The following PRUNE1 variants were observed in gnomAD, a reference collection of about 807,000 sequenced individuals.
The protein encoded by PRUNE1 is exopolyphosphatase PRUNE1.
Under a neutral mutation model 42.5 loss-of-function variants are expected in PRUNE1, and 25 were observed. The observed-to-expected ratio is 0.59, with a 90% CI of 0.43 to 0.82. The LOEUF (loss-of-function observed/expected upper bound fraction) is 0.82. Ranked by LOEUF, PRUNE1 falls within the 40% of genes least tolerant of loss-of-function variation. The pLI, the probability that PRUNE1 is intolerant of heterozygous loss-of-function variation, is 0.00. For synonymous variants in PRUNE1, 203 were observed against 217.1 expected (o/e 0.93, Z 0.57); for missense variants, 443 against 539.3 (o/e 0.82, Z 1.77).
At chr1:151,025,894 C>T (rs1168347733) in intron 5 of PRUNE1, among the ~76,000 whole-genome samples, 1 of 151,870 alleles carries the variant, frequency 6.6e-6, no homozygotes, top group African/African-American at 2.4e-5. Context: ...GCGCCCACCA[C>T]CACGCCCAGC....
chr1:151,008,888 G>A (rs1346099813), intron 1 of PRUNE1: 1 of 699,736 alleles, frequency 1.4e-6, no homozygotes, highest in Admixed American at 2.0e-5. Flanking sequence ...CCCGGTTTTT[G>A]GCTCCCCGCC....
chr1:151,033,656 C>T (rs1302346349), intron 7 of PRUNE1, 150 bp from the exon 8 acceptor site: 2 of 689,420 alleles, frequency 2.9e-6, no homozygotes, highest in Non-Finnish European at 4.8e-6. Flanking sequence ...TCCCAAAGTG[C>T]TGGGATTGCA....
At chr1:151,032,124 A>G (rs1675276472) in intron 7 of PRUNE1, among the ~76,000 whole-genome samples, 1 of 152,028 alleles carries the variant, frequency 6.6e-6, no homozygotes, top group African/African-American at 2.4e-5. Context: ...AGGTGCCTGT[A>G]ATCCCAGCTA....
intron 1 of PRUNE1, among the ~76,000 whole-genome samples, chr1:151,017,166 T>C (rs1215305428): frequency 6.6e-6 from 1 of 151,966 alleles, no homozygotes; most frequent in Non-Finnish European, 1.5e-5. Context: ...CAACCAGGGT[T>C]GATATGCCCA....
At chr1:151,022,223 C>G (rs1674499488) in intron 3 of PRUNE1, among the ~76,000 whole-genome samples, 1 of 150,342 alleles carries the variant, frequency 6.7e-6, no homozygotes, top group South Asian at 2.1e-4. Flanking sequence ...ATTCTCCTGC[C>G]TCAACCTCCC....
chr1:151,025,476 G>A, intron 4 of PRUNE1, 39 bp from the exon 5 acceptor site: 3 of 1,597,342 alleles, frequency 1.9e-6, no homozygotes, highest in Admixed American at 3.4e-5. Flanking sequence ...TGTGTGAAGG[G>A]TCACAGGATT....
chr1:151,015,001 G>T (rs1344761793), intron 1 of PRUNE1, among the ~76,000 whole-genome samples: 1 of 152,010 alleles, frequency 6.6e-6, no homozygotes, highest in Admixed American at 6.6e-5. Flanking sequence ...AGATCAGCAT[G>T]GGCAACATGG....
intron 4 of PRUNE1, among the ~76,000 whole-genome samples, 159 bp downstream of exon 4, chr1:151,024,954 G>A (rs1391013970): frequency 6.6e-6 from 1 of 152,162 alleles, no homozygotes; most frequent in Non-Finnish European, 1.5e-5. Flanking sequence ...TTGAGCATGT[G>A]TTTAAAGGCC....
chr1:151,014,233 C>T (rs587765171), intron 1 of PRUNE1, among the ~76,000 whole-genome samples: 2 of 152,308 alleles, frequency 1.3e-5, no homozygotes, highest in African/African-American at 4.8e-5. Context: ...TCCGCCTCGG[C>T]CTCCCAAAGT....
At chr1:151,016,249 T>G (rs1674097872) in intron 1 of PRUNE1, among the ~76,000 whole-genome samples, 2 of 151,594 alleles carry the variant, frequency 1.3e-5, no homozygotes, top group African/African-American at 4.8e-5. Flanking sequence ...AAAAAAAAAG[T>G]AAGCAGGTAA....
At chr1:151,028,596 G>A (rs948648612) in intron 6 of PRUNE1, among the ~76,000 whole-genome samples, 190 bp from the exon 7 acceptor site, 1 of 151,994 alleles carries the variant, frequency 6.6e-6, no homozygotes, top group African/African-American at 2.4e-5. Context: ...GCTAATTTTT[G>A]TATTTTTACC....
chr1:151,012,853 C>T (rs766314969), intron 1 of PRUNE1, among the ~76,000 whole-genome samples: 2 of 151,684 alleles, frequency 1.3e-5, no homozygotes, highest in Non-Finnish European at 2.9e-5. Context: ...CTCACTGCAA[C>T]CTCCGCCTCC....
rs759111807 is a variant in PRUNE1 at position 151,022,350 on chromosome 1, TCCGC to T, written c.336-2255_336-2252del. ...GTCTCAAACTCCTGGCCTCAAGTGA[TCCGC>T]CCGCCTCAGCCTCCCAAAGTGCTGG... On this transcript the variant is annotated intron_variant, in intron 3 of 7. Transcript: ENST00000271620. Among the ~76,000 whole-genome samples the T allele has an allele frequency of 8.6e-5, 13 of 151,524 alleles. No individual in the cohort carries two copies. The South Asian group carries it at 2.3e-3, about 27-fold the overall frequency.
chr1:151,014,650 C>G (rs1313909400), intron 1 of PRUNE1, among the ~76,000 whole-genome samples: 1 of 152,162 alleles, frequency 6.6e-6, no homozygotes, highest in Non-Finnish European at 1.5e-5. Flanking sequence ...CTCCTCTGAA[C>G]CTTCCCACTT....
rs587771903 is a variant in PRUNE1 at position 151,033,906 on chromosome 1, A to G, written c.1034A>G (p.Gln345Arg). 1.2e-6 allele frequency: 2 copies of G among 1,613,904 alleles called. No homozygotes were observed. The highest frequency in any genetic ancestry group is 4.5e-5 in the East Asian group (2 of 44,866). Residue 345 changes from glutamine (Q) to arginine (R), a missense_variant, in exon 8 of 8, where the codon CAG becomes CGG. By Grantham distance (43) the Gln-to-Arg change is conservative. Transcript: ENST00000271620. ...CATGCCTATCTTCAAGGCAACACCC[A>G]GGTCTCTCGAAAGAAACTTCTGCCC... The part of the protein sequence containing the change: ...NLHAYLQGNT[Q>R]VSRKKLLPLL...
At chr1:151,012,915 G>A (rs936115667) in intron 1 of PRUNE1, among the ~76,000 whole-genome samples, 7 of 151,864 alleles carry the variant, frequency 4.6e-5, no homozygotes, top group Non-Finnish European at 1.0e-4. Context: ...TGAGATTACA[G>A]GCACCTGCCA....
In PRUNE1 at chr1:151,021,574, G is replaced by A. The variant is rs1180358725; in HGVS notation, c.335+2905G>A. Among the ~76,000 whole-genome samples, 8 of 151,992 alleles carry A rather than the reference G, an allele frequency of 5.3e-5. No homozygotes were observed. In the South Asian group the frequency reaches 6.2e-4, roughly 12 times the overall value. ...GAAAAAACTACCAAAAAAGCAACAC[G>A]ATTATGTGACTTTCCTAAGTCTGTT... On this transcript the variant is annotated intron_variant, in intron 3 of 7. Transcript: ENST00000271620.
chr1:151,008,606 G>C lies in PRUNE1; in HGVS notation c.-27G>C, dbSNP rs1162999882. 6.2e-7 allele frequency: 1 copy of C among 1,614,160 alleles called. No individual in the cohort carries two copies. Among genetic ancestry groups the C allele is most frequent in the Admixed American group, 1.7e-5 (1 of 60,034 alleles). ...ACCAGGGGCACCTCTACTCGACCAG[G>C]GGCGACGGCGTACTTTGGGCTTCAT... On this transcript the variant is annotated 5_prime_UTR_variant, in exon 1 of 8. Transcript: ENST00000271620.
chr1:151,025,763 C>CAG (rs1674795267), intron 5 of PRUNE1, 90 bp downstream of exon 5: 1 of 1,295,606 alleles, frequency 7.7e-7, no homozygotes, highest in Non-Finnish European at 1.1e-6. Flanking sequence ...TTTTTTGAGA[C>CAG]AGAGTCTTGC....
Sources: allele counts gnomAD v4.1 joint callset (sites outside exome capture counted in the v4.1 genomes callset), GRCh38; gene constraint gnomAD v4.1.1; transcripts MANE v1.5; gene names NCBI Gene and HGNC (gene_info 2026-07-23, HGNC 2026-07-21).